CKMT2: variants seen among roughly 807,000 people sequenced by gnomAD.
CKMT2 encodes creatine kinase S-type, mitochondrial.
In CKMT2, 43 loss-of-function variants were observed where a neutral mutation model predicts 48.9. That is an observed-to-expected ratio of 0.88 (90% CI 0.69 to 1.13). The LOEUF is 1.13. Among genes scored for constraint, CKMT2 ranks in the 50% most tolerant of loss-of-function variants. The pLI, the probability that CKMT2 is intolerant of heterozygous loss-of-function variation, is 0.00. For missense variants in CKMT2, 472 were observed against 555.4 expected (o/e 0.85, Z 1.51); for synonymous variants, 206 against 213.0 (o/e 0.97, Z 0.29).
chr5:81,237,837 AG>A (rs1381175010), intron 1 of CKMT2: 2 of 152,218 alleles, frequency 1.3e-5, no homozygotes, highest in African/African-American at 4.8e-5. Context: ...TAACCTAAAA[AG>A]GTGTCACAGA....
chr5:81,255,333 AC>A, intron 5 of CKMT2, 119 bp downstream of exon 5: 1 of 841,216 alleles, frequency 1.2e-6, no homozygotes, highest in South Asian at 1.5e-5. Flanking sequence ...GCTGGGCTCC[AC>A]CCCTGAGCTC....
At chr5:81,250,219 C>T (rs1756757717) in intron 1 of CKMT2, among the ~76,000 whole-genome samples, 1 of 152,196 alleles carries the variant, frequency 6.6e-6, no homozygotes, top group African/African-American at 2.4e-5. Context: ...ATTCTATGTT[C>T]AGCTGTGTCA....
At chr5:81,248,650 T>A (rs1250931810) in intron 1 of CKMT2, among the ~76,000 whole-genome samples, 2 of 152,236 alleles carry the variant, frequency 1.3e-5, no homozygotes, top group Non-Finnish European at 2.9e-5. Flanking sequence ...ATGACCAATT[T>A]ATATCTTGTC....
At position 81,257,717 on chromosome 5, in the gene CKMT2, T is replaced by C; in HGVS notation, c.756-16T>C. The C allele has an allele frequency of 6.2e-7, 1 of 1,607,582 alleles. No homozygotes were observed. Among genetic ancestry groups the C allele is most frequent in the African/African-American group, 1.3e-5 (1 of 74,740 alleles). On this transcript the variant is annotated splice_polypyrimidine_tract_variant and intron_variant, in intron 6 of 9. Coordinates refer to ENST00000254035, the MANE Select transcript of CKMT2 (RefSeq NM_001099735.2). ...AATGCAATTAACACTCAGTACCATA[T>C]TTCTCTCTTCATTAGGCATAATTAT... is the stretch of plus-strand genomic sequence containing the variant.
intron 5 of CKMT2, among the ~76,000 whole-genome samples, chr5:81,255,614 A>G (rs1756978267): frequency 6.6e-6 from 1 of 152,148 alleles, no homozygotes; most frequent in Non-Finnish European, 1.5e-5. Flanking sequence ...AAAAATCTAG[A>G]AAGGAAATTC....
In CKMT2 at chr5:81,258,024, A is replaced by G. The variant is rs866665926; in HGVS notation, c.879+168A>G. 4.6e-5 allele frequency: 25 copies of G among 548,624 alleles called. No individual in the cohort carries two copies. In the Middle Eastern group the frequency reaches 2.1e-3, roughly 46 times the overall value. 34.0% of individuals were successfully genotyped at this position (548,624 alleles called of 1,614,324 possible). On this transcript the variant is annotated intron_variant, in intron 7 of 9. Coordinates refer to ENST00000254035, the MANE Select transcript of CKMT2 (RefSeq NM_001099735.2). ...AAGTGATTATCCCGCCTCAGCCTCTAGAGTAGCTGGGATTACAGGTGCCAC... is the reference window on the plus strand; with the variant it reads ...AAGTGATTATCCCGCCTCAGCCTCTGGAGTAGCTGGGATTACAGGTGCCAC...
intron 6 of CKMT2, among the ~76,000 whole-genome samples, 168 bp from the exon 7 acceptor site, chr5:81,257,565 C>T (rs1757056784): frequency 6.6e-6 from 1 of 152,032 alleles, no homozygotes; most frequent in African/African-American, 2.4e-5. Flanking sequence ...TTCCTTCTGT[C>T]AAAGTAACAT....
At chr5:81,260,000 G>GA (rs1166158749) in intron 8 of CKMT2, among the ~76,000 whole-genome samples, 3 of 152,068 alleles carry the variant, frequency 2.0e-5, no homozygotes, top group Non-Finnish European at 4.4e-5. Context: ...AAATGCAAAA[G>GA]AACGGATATC....
At chr5:81,253,556 T>C (rs2112807516) in intron 3 of CKMT2, among the ~76,000 whole-genome samples, 1 of 152,296 alleles carries the variant, frequency 6.6e-6, no homozygotes, top group East Asian at 1.9e-4. Context: ...TCCACCCTTT[T>C]GGGTTCTTCT....
chr5:81,245,591 T>C (rs1044803659), intron 1 of CKMT2, among the ~76,000 whole-genome samples: 1 of 152,190 alleles, frequency 6.6e-6, no homozygotes, highest in Non-Finnish European at 1.5e-5. Flanking sequence ...GGGAAGTTCT[T>C]AGGGCACAAT....
chr5:81,263,349 CTA>C lies in CKMT2; in HGVS notation c.1015-140_1015-139del. 1.4e-5 allele frequency: 3 copies of C among 214,164 alleles called. No individual in the cohort carries two copies. The East Asian group carries it at 3.9e-4, about 27-fold the overall frequency. The allele number at this position is 214,164 out of a possible 1,614,324, so 13.3% of individuals were successfully genotyped here. ...TAATCTATATATTCAATATATATAT[CTA>C]TTATAAATATATATATTTATTATAT... is the stretch of plus-strand genomic sequence containing the variant. On this transcript the variant is annotated intron_variant, in intron 8 of 9. Coordinates refer to ENST00000254035, the MANE Select transcript of CKMT2 (RefSeq NM_001099735.2).
rs905069703 is a variant in CKMT2, at chr5:81,253,748, C to G, written c.352-648C>G. Among the ~76,000 whole-genome samples the G allele has an allele frequency of 3.0e-4, 45 of 152,218 alleles. 1 individual carries two copies. Among genetic ancestry groups the G allele is most frequent in the Non-Finnish European group, 1.2e-4 (8 of 68,032 alleles). ...AGTCCTCCCCACTTCCCACAGCTCC[C>G]AAAGTCTGCAGGGTGCTTTGTTACA... On this transcript the variant is annotated intron_variant, in intron 3 of 9. Coordinates refer to ENST00000254035, the MANE Select transcript of CKMT2 (RefSeq NM_001099735.2).
At chr5:81,233,458 TG>T in intron 1 of CKMT2, 81 bp downstream of exon 1, 1 of 935,144 alleles carries the variant, frequency 1.1e-6, no homozygotes, top group Non-Finnish European at 1.3e-6. Context: ...CTTGGAGGAG[TG>T]GATGCCGGGC....
At chr5:81,256,830 G>C (rs966077259) in intron 5 of CKMT2, 85 bp from the exon 6 acceptor site, 56 of 898,458 alleles carry the variant, frequency 6.2e-5, no homozygotes, top group Non-Finnish European at 9.8e-5. Context: ...CATGATAAGT[G>C]GGTTGGAACT....
intron 8 of CKMT2, among the ~76,000 whole-genome samples, chr5:81,262,183 A>ATCTTG: frequency 6.6e-6 from 1 of 152,212 alleles, no homozygotes. Flanking sequence ...TTTATACAAA[A>ATCTTG]AGTAACTCAA....
intron 1 of CKMT2, among the ~76,000 whole-genome samples, chr5:81,248,232 A>C (rs1756677707): frequency 6.6e-6 from 1 of 152,232 alleles, no homozygotes; most frequent in African/African-American, 2.4e-5. Context: ...AGGGACCAGG[A>C]CATTTGGGTC....
chr5:81,256,828 G>A lies in CKMT2; in HGVS notation c.670-87G>A, dbSNP rs1217579993. 3.4e-6 allele frequency: 3 copies of A among 887,698 alleles called. No individual in the cohort carries two copies. In the African/African-American group the frequency reaches 5.0e-5, roughly 15 times the overall value. The allele number at this position is 887,698 out of a possible 1,614,324, so 55.0% of individuals were successfully genotyped here. ...GCCTAAGAGACAGCAGCCATGATAA[G>A]TGGGTTGGAACTTGTTCACCTGGCA... On this transcript the variant is annotated intron_variant, in intron 5 of 9. Transcript: ENST00000254035.
intron 6 of CKMT2, among the ~76,000 whole-genome samples, chr5:81,257,268 T>C (rs1031794055): frequency 5.3e-5 from 8 of 151,930 alleles, no homozygotes; most frequent in African/African-American, 1.9e-4. Flanking sequence ...AAATAAAAAA[T>C]GTTCATGTGC....
chr5:81,255,180 A>C lies in CKMT2; in HGVS notation c.635A>C (p.Glu212Ala). Residue 212 changes from glutamate to alanine, a missense_variant, in exon 5 of 10, where the codon GAG (glutamate) becomes GCG (alanine). Transcript: ENST00000254035. Reference protein sequence around the residue: ...DLAGRYYKLSEMTEQDQQRLI... With the variant: ...DLAGRYYKLSAMTEQDQQRLI... ...GCTGGCCGCTACTACAAGCTGTCCG[A>C]GATGACGGAGCAGGACCAGCAGCGG... The C allele has an allele frequency of 6.2e-7, 1 of 1,614,094 alleles. No individual in the cohort carries two copies. Among genetic ancestry groups the C allele is most frequent in the South Asian group, 1.1e-5 (1 of 91,088 alleles).
Sources: allele counts gnomAD v4.1 joint callset (sites outside exome capture counted in the v4.1 genomes callset), GRCh38; gene constraint gnomAD v4.1.1; transcripts MANE v1.5; gene names NCBI Gene and HGNC (gene_info 2026-07-23, HGNC 2026-07-21).